Variants in PSMB2 observed in about 807,000 individuals in gnomAD.
PSMB2 encodes the protein proteasome 20S subunit beta 2.
A neutral mutation model predicts 25.7 loss-of-function variants in PSMB2; 13 were observed. The ratio of observed to expected loss-of-function variants is 0.51; its 90% CI spans 0.33 to 0.80. PSMB2 has a LOEUF of 0.80. PSMB2 is among the 30% of genes least tolerant of loss of function. The pLI, the probability that PSMB2 is intolerant of heterozygous loss-of-function variation, is 0.02. For synonymous variants in PSMB2, 87 were observed against 96.2 expected, an observed-to-expected ratio of 0.90 and a Z score of 0.56; for missense variants, 202 against 259.0, an observed-to-expected ratio of 0.78 and a Z score of 1.51.
chr1:35,631,157 A>G, intron 3 of PSMB2, 117 bp downstream of exon 3: 4 of 883,248 alleles, frequency 4.5e-6, no homozygotes, highest in Non-Finnish European at 7.3e-6. Context: ...AAGTAGCAAC[A>G]GGAGGGGTTC....
Position 35,631,622 on chromosome 1 carries a change from A to G in PSMB2, c.215-278T>C, listed in dbSNP as rs531023161. Reference sequence around the variant, plus strand: ...CCTTGCTTAAACTATTCATTCATCAACACACTGTGGTTTCTGCCGTAGAAG... The same window carrying G: ...CCTTGCTTAAACTATTCATTCATCAGCACACTGTGGTTTCTGCCGTAGAAG... On this transcript the variant is annotated intron_variant, in intron 2 of 5. Coordinates refer to ENST00000373237, the MANE Select transcript of PSMB2 (RefSeq NM_002794.5). The G allele has an allele frequency of 2.2e-4, 132 of 588,552 alleles. No homozygotes were observed. In the South Asian group the frequency reaches 6.3e-3, roughly 28 times the overall value. The allele number at this position is 588,552 out of a possible 1,614,324, so 36.5% of individuals were successfully genotyped here.
chr1:35,616,096 C>T (rs1172440424), intron 3 of PSMB2, among the ~76,000 whole-genome samples: 1 of 152,110 alleles, frequency 6.6e-6, no homozygotes, highest in Non-Finnish European at 1.5e-5. Flanking sequence ...ACCCAGTATC[C>T]CTTTTACAAA....
At chr1:35,618,444 T>C (rs988373503) in intron 3 of PSMB2, among the ~76,000 whole-genome samples, 1 of 149,524 alleles carries the variant, frequency 6.7e-6, no homozygotes, top group African/African-American at 2.5e-5. Context: ...CACTCGCACA[T>C]GGAAGAAAGT....
chr1:35,605,581 G>A (rs2148561711), intron 4 of PSMB2, among the ~76,000 whole-genome samples: 1 of 152,360 alleles, frequency 6.6e-6, no homozygotes, highest in South Asian at 2.1e-4. Flanking sequence ...AAGTCCAGCA[G>A]CCTGTCTCTC....
chr1:35,609,992 C>T (rs1205601571), intron 3 of PSMB2, among the ~76,000 whole-genome samples: 1 of 152,190 alleles, frequency 6.6e-6, no homozygotes, highest in Non-Finnish European at 1.5e-5. Flanking sequence ...GCTCTTTTGT[C>T]ATTCCTAATT....
Position 35,601,822 on chromosome 1 carries a change from G to T in PSMB2, c.*1445C>A. ...ATGAACATTCTGAAACACACATCTGGTCAAGAACCACTGTTTTAATAGCTT... is the reference window on the plus strand; with the variant it reads ...ATGAACATTCTGAAACACACATCTGTTCAAGAACCACTGTTTTAATAGCTT... On this transcript the variant is annotated 3_prime_UTR_variant, in exon 6 of 6. Coordinates refer to ENST00000373237, the MANE Select transcript of PSMB2 (RefSeq NM_002794.5). 1.0e-6 allele frequency: 1 copy of T among 985,410 alleles called. No homozygotes were observed. 61.0% of individuals were successfully genotyped at this position (985,410 alleles called of 1,614,324 possible).
At chr1:35,620,848 A>T (rs1179405253) in intron 3 of PSMB2, among the ~76,000 whole-genome samples, 1 of 151,822 alleles carries the variant, frequency 6.6e-6, no homozygotes, top group African/African-American at 2.4e-5. Flanking sequence ...TATTTTTAGC[A>T]GAGACGGGGG....
intron 3 of PSMB2, among the ~76,000 whole-genome samples, chr1:35,624,127 AG>A (rs1195055548): frequency 3.9e-5 from 6 of 152,186 alleles, no homozygotes; most frequent in African/African-American, 1.4e-4. Context: ...GAAATGACTA[AG>A]ACCTGAAATC....
chr1:35,638,501 AT>A (rs1468827324), intron 1 of PSMB2, among the ~76,000 whole-genome samples: 1 of 152,216 alleles, frequency 6.6e-6, no homozygotes, highest in Admixed American at 6.5e-5. Context: ...GTGAAATGTT[AT>A]TTCCAAATGT....
intron 3 of PSMB2, among the ~76,000 whole-genome samples, chr1:35,614,253 T>C (rs1650422639): frequency 6.6e-6 from 1 of 152,200 alleles, no homozygotes. Context: ...GTAAAGCTAC[T>C]TTCTAGACAG....
chr1:35,612,388 C>T (rs2148565435), intron 3 of PSMB2, among the ~76,000 whole-genome samples: 1 of 152,066 alleles, frequency 6.6e-6, no homozygotes, highest in East Asian at 1.9e-4. Context: ...GTAAAACAAC[C>T]CAAACTCTGG....
chr1:35,601,355 T>C lies in PSMB2; in HGVS notation c.*1912A>G, dbSNP rs867974207. 2.5e-5 allele frequency: 25 copies of C among 982,604 alleles called. No homozygotes were observed. The African/African-American group carries it at 3.7e-4, about 14-fold the overall frequency. 60.9% of individuals were successfully genotyped at this position (982,604 alleles called of 1,614,324 possible). The stretch of plus-strand genomic sequence containing the variant: ...GGCCAAAGTGCTGGGATTACAGGCA[T>C]GAGCCACCGCACCCGGCCAACCTGT... On this transcript the variant is annotated 3_prime_UTR_variant, in exon 6 of 6. Coordinates refer to ENST00000373237, the MANE Select transcript of PSMB2 (RefSeq NM_002794.5).
At position 35,602,420 on chromosome 1, in the gene PSMB2, C is replaced by T. The variant is rs564172640; in HGVS notation, c.*847G>A. ...CAGTAACAGAATATCTCTTAAAAAA[C>T]ATAAGAAATTAGTAGCTGAAGTTTC... On this transcript the variant is annotated 3_prime_UTR_variant, in exon 6 of 6. Coordinates refer to ENST00000373237, the MANE Select transcript of PSMB2 (RefSeq NM_002794.5). The T allele has an allele frequency of 6.6e-6, 1 of 152,244 alleles. No homozygotes were observed. The highest frequency in any genetic ancestry group is 2.4e-5 in the African/African-American group (1 of 41,460). 9.4% of individuals were successfully genotyped at this position (152,244 alleles called of 1,614,324 possible).
chr1:35,609,747 T>C (rs575083778), intron 3 of PSMB2, among the ~76,000 whole-genome samples: 3 of 152,302 alleles, frequency 2.0e-5, no homozygotes, highest in Non-Finnish European at 4.4e-5. Flanking sequence ...TAGTTAATAA[T>C]AGCTTAACTG....
At chr1:35,607,694 G>C (rs1356185589) in intron 4 of PSMB2, among the ~76,000 whole-genome samples, 1 of 152,072 alleles carries the variant, frequency 6.6e-6, no homozygotes, top group Non-Finnish European at 1.5e-5. Flanking sequence ...CCAAAAGAAA[G>C]GAAATCATTA....
At chr1:35,606,335 T>C (rs1419305534) in intron 4 of PSMB2, among the ~76,000 whole-genome samples, 1 of 152,178 alleles carries the variant, frequency 6.6e-6, no homozygotes, top group Non-Finnish European at 1.5e-5. Flanking sequence ...TCACATCTGA[T>C]AAATGAATTC....
At chr1:35,604,543 G>A (rs941433633) in intron 5 of PSMB2, among the ~76,000 whole-genome samples, 8 of 152,182 alleles carry the variant, frequency 5.3e-5, no homozygotes, top group African/African-American at 1.9e-4. Flanking sequence ...ACTTTGGGAG[G>A]CCGAGGCAGG....
At chr1:35,628,941 T>C (rs966004303) in intron 3 of PSMB2, among the ~76,000 whole-genome samples, 1 of 152,050 alleles carries the variant, frequency 6.6e-6, no homozygotes, top group Non-Finnish European at 1.5e-5. Flanking sequence ...AATAAAAATA[T>C]GAATAGCATC....
chr1:35,628,631 A>ATTTTTT (rs138110586), intron 3 of PSMB2, among the ~76,000 whole-genome samples: 1 of 38,068 alleles, frequency 2.6e-5, no homozygotes, highest in African/African-American at 1.3e-4. Context: ...ATATATATAT[A>ATTTTTT]TTTTTTTTTT....
Sources: gnomAD v4.1 joint callset for allele counts (sites outside exome capture counted in the v4.1 genomes callset) on GRCh38, gnomAD v4.1.1 for gene constraint, MANE v1.5 for transcripts, NCBI Gene and HGNC (gene_info 2026-07-23, HGNC 2026-07-21) for gene names.